MTHFD1: variants seen among roughly 807,000 people sequenced by gnomAD.
MTHFD1 encodes the protein methylenetetrahydrofolate dehydrogenase, cyclohydrolase and formyltetrahydrofolate synthetase 1.
Under a neutral mutation model 110.3 loss-of-function variants are expected in MTHFD1, and 44 were observed. The ratio of observed to expected loss-of-function variants is 0.40; its 90% CI spans 0.31 to 0.51. The LOEUF (loss-of-function observed/expected upper bound fraction) is 0.51, where lower values mean the gene tolerates loss of function less well. Among genes scored for constraint, MTHFD1 ranks in the 20% least tolerant of loss-of-function variants. The probability of loss-of-function intolerance (pLI) is 0.60; values close to 1 mark genes in which losing one functional copy is unlikely to be tolerated. For synonymous variants in MTHFD1, 402 were observed against 428.8 expected, an observed-to-expected ratio of 0.94 and a Z score of 0.77; for missense variants, 909 against 1,173.1, an observed-to-expected ratio of 0.77 and a Z score of 3.29.
chr14:64,426,201 T>G lies in MTHFD1; in HGVS notation c.1127+9T>G. ...TACGTGGTGGTGACTGGGTATGCTT[T>G]TTATTCATGTTGCCATCCAAATCTT... On this transcript the variant is annotated intron_variant, in intron 11 of 27. Transcript: ENST00000652337. 1 of 1,614,134 alleles carries G rather than the reference T, an allele frequency of 6.2e-7. No homozygotes were observed. The highest frequency in any genetic ancestry group is 8.5e-7 in the Non-Finnish European group (1 of 1,180,024).
At position 64,441,163 on chromosome 14, in the gene MTHFD1, G is replaced by A. The variant is rs536545089; in HGVS notation, c.1816-222G>A. 7.0e-5 allele frequency: 36 copies of A among 511,908 alleles called. No individual in the cohort carries two copies. In the East Asian group the frequency reaches 1.3e-3, roughly 19 times the overall value. 31.7% of individuals were successfully genotyped at this position (511,908 alleles called of 1,614,324 possible). On this transcript the variant is annotated intron_variant, in intron 18 of 27. Transcript: ENST00000652337. ...GCCGAGATTGCACCACTGCACTCCA[G>A]CCTGGGCAACACAGCCAGACTCCGT...
At chr14:64,447,019 T>C (rs946315644) in intron 22 of MTHFD1, among the ~76,000 whole-genome samples, 2 of 152,112 alleles carry the variant, frequency 1.3e-5, no homozygotes, top group African/African-American at 4.8e-5. Context: ...TTTTAATTTT[T>C]TGTAGAGACG....
intron 2 of MTHFD1, among the ~76,000 whole-genome samples, chr14:64,408,954 T>TAATA (rs1242487617): frequency 7.2e-4 from 110 of 152,118 alleles, no homozygotes; most frequent in Non-Finnish European, 1.2e-3. Context: ...GTCTCAAAAA[T>TAATA]AATAAATAAA....
chr14:64,430,108 C>A (rs376518121), intron 12 of MTHFD1, 76 bp from the exon 13 acceptor site: 3 of 1,180,858 alleles, frequency 2.5e-6, no homozygotes, highest in East Asian at 2.3e-5. Context: ...TACAATAATG[C>A]ATTTGCATTT....
rs965552374 is a variant in MTHFD1, at chr14:64,420,043, A to G, written c.727+118A>G. ...TATGCTTGTAGTACTAAGGTTTAGG[A>G]GACTGACTAGCCCAAGGGTGCACAG... is the stretch of plus-strand genomic sequence containing the variant. On this transcript the variant is annotated intron_variant, in intron 8 of 27. Coordinates refer to ENST00000652337, the MANE Select transcript of MTHFD1 (RefSeq NM_005956.4). 3 of 787,416 alleles carry G rather than the reference A, an allele frequency of 3.8e-6. No individual in the cohort carries two copies. In the African/African-American group the frequency reaches 5.1e-5, roughly 13 times the overall value. The allele number at this position is 787,416 out of a possible 1,614,324, so 48.8% of individuals were successfully genotyped here.
At chr14:64,395,610 T>A (rs1221849986) in intron 1 of MTHFD1, among the ~76,000 whole-genome samples, 4 of 152,208 alleles carry the variant, frequency 2.6e-5, no homozygotes, top group African/African-American at 9.6e-5. Context: ...GTTTATTGCA[T>A]TAGATCAGAG....
rs370834458 is a variant in MTHFD1 at position 64,425,970 on chromosome 14, A to G, written c.954-49A>G. The G allele has an allele frequency of 6.2e-6, 10 of 1,610,332 alleles. No homozygotes were observed. The African/African-American group carries it at 1.2e-4, about 19-fold the overall frequency. On this transcript the variant is annotated intron_variant, in intron 10 of 27. Coordinates refer to ENST00000652337, the MANE Select transcript of MTHFD1 (RefSeq NM_005956.4). ...GGGGCTTGTTACTACTGTGGGATTAATTAAACTCAGTGGATAAACATTAAT... is the reference window on the plus strand; with the variant it reads ...GGGGCTTGTTACTACTGTGGGATTAGTTAAACTCAGTGGATAAACATTAAT...
chr14:64,438,132 C>T, intron 16 of MTHFD1, among the ~76,000 whole-genome samples: 1 of 152,174 alleles, frequency 6.6e-6, no homozygotes, highest in East Asian at 1.9e-4. Context: ...CTTGGCCCCC[C>T]AAAGTGCTGG....
chr14:64,398,356 G>A (rs1211297134), intron 1 of MTHFD1, among the ~76,000 whole-genome samples: 1 of 152,054 alleles, frequency 6.6e-6, no homozygotes, highest in Non-Finnish European at 1.5e-5. Flanking sequence ...GATCAGCCTG[G>A]GCAACATGGC....
At chr14:64,411,038 G>C (rs936318324) in intron 2 of MTHFD1, 52 bp from the exon 3 acceptor site, 18 of 1,225,240 alleles carry the variant, frequency 1.5e-5, no homozygotes, top group Non-Finnish European at 1.9e-5. Context: ...AAGCTTTTCT[G>C]TGCACTTTGC....
chr14:64,431,971 C>G (rs2078163955), intron 15 of MTHFD1, 110 bp downstream of exon 15: 2 of 902,178 alleles, frequency 2.2e-6, no homozygotes, highest in Admixed American at 2.0e-5. Context: ...GAAGTTACAT[C>G]AGTAATCATA....
chr14:64,442,627 C>G (rs1464030825), intron 21 of MTHFD1, among the ~76,000 whole-genome samples: 1 of 152,160 alleles, frequency 6.6e-6, no homozygotes, highest in East Asian at 1.9e-4. Flanking sequence ...CCTGGCCTAC[C>G]TTTCGGAGGA....
intron 1 of MTHFD1, among the ~76,000 whole-genome samples, chr14:64,399,591 G>T (rs1159926821): frequency 6.6e-6 from 1 of 151,132 alleles, no homozygotes; most frequent in Non-Finnish European, 1.5e-5. Context: ...CCCAGGAGGT[G>T]GAGGTTGCAG....
At chr14:64,446,791 C>T (rs1415745032) in intron 22 of MTHFD1, among the ~76,000 whole-genome samples, 2 of 152,158 alleles carry the variant, frequency 1.3e-5, no homozygotes, top group East Asian at 3.9e-4. Context: ...TTCCACCCGC[C>T]TCGGCCTCCC....
chr14:64,412,152 T>G (rs897591383), intron 3 of MTHFD1, among the ~76,000 whole-genome samples: 4 of 152,148 alleles, frequency 2.6e-5, no homozygotes, highest in African/African-American at 9.7e-5. Flanking sequence ...TTGTAACATC[T>G]TATTTAGGAA....
intron 19 of MTHFD1, 38 bp from the exon 20 acceptor site, chr14:64,442,016 G>A (rs1308654870): frequency 7.3e-7 from 1 of 1,377,006 alleles, no homozygotes; most frequent in Admixed American, 1.7e-5. Flanking sequence ...TTTGAAGCAG[G>A]ATTGGCAGCT....
chr14:64,441,334 G>T (rs199830221), intron 18 of MTHFD1, 51 bp from the exon 19 acceptor site: 4 of 1,560,920 alleles, frequency 2.6e-6, no homozygotes, highest in Non-Finnish European at 3.5e-6. Flanking sequence ...GTTTCAGAAG[G>T]TTGGGTTTTT....
rs770097938 is a variant in MTHFD1 at position 64,425,739 on chromosome 14, G to C, written c.865G>C (p.Glu289Gln). The C allele has an allele frequency of 9.9e-6, 16 of 1,612,222 alleles. No homozygotes were observed. In the South Asian group the frequency reaches 1.6e-4, roughly 17 times the overall value. The change falls in exon 10 of 28, where the codon GAG becomes CAG. Residue 289 changes from glutamate to glutamine, a missense_variant. By Grantham distance (29) the Glu-to-Gln change is conservative. Around this residue, in one of 3 missense-constraint regions of MTHFD1, gnomAD observed 424 missense variants for 510.4 expected, o/e 0.83. Transcript: ENST00000652337. Reference protein sequence around the residue: ...TVAMLMQSTVESAKRFLEKFK... With the variant: ...TVAMLMQSTVQSAKRFLEKFK... ...ATTTCATTTTGCTTAGAGCACAGTA[G>C]AGAGTGCCAAGCGTTTCCTGGAGAA...
chr14:64,391,459 C>T lies in MTHFD1; in HGVS notation c.41+2991C>T, dbSNP rs1344561438. ...GGATTACAGGTGTGAGCCACTGCGC[C>T]CCCGCTGGCGCTTTGCTTTTTCTTT... On this transcript the variant is annotated intron_variant, in intron 1 of 27. Coordinates refer to ENST00000652337, the MANE Select transcript of MTHFD1 (RefSeq NM_005956.4). Among the ~76,000 whole-genome samples the T allele has an allele frequency of 2.0e-5, 3 of 152,342 alleles. No individual in the cohort carries two copies. The East Asian group carries it at 5.8e-4, about 29-fold the overall frequency.
Sources: gnomAD v4.1 joint callset for allele counts (sites outside exome capture counted in the v4.1 genomes callset) on GRCh38, gnomAD v4.1.1 for gene constraint, gnomAD v4.1.1 regional missense constraint, MANE v1.5 for transcripts, NCBI Gene and HGNC (gene_info 2026-07-23, HGNC 2026-07-21) for gene names.